Variants in ASTN2 observed in about 807,000 individuals in gnomAD.
ASTN2 encodes astrotactin 2.
Under a neutral mutation model 139.8 loss-of-function variants are expected in ASTN2, and 54 were observed. The observed-to-expected ratio is 0.39, with a 90% CI of 0.31 to 0.48. The LOEUF (loss-of-function observed/expected upper bound fraction) is 0.48, where lower values mean the gene tolerates loss of function less well. Among genes scored for constraint, ASTN2 ranks in the 20% least tolerant of loss-of-function variants. ASTN2 has a pLI of 0.95. For synonymous variants in ASTN2, 756 were observed against 719.5 expected (o/e 1.05, Z -0.81); for missense variants, 1,565 against 1,725.1 (o/e 0.91, Z 1.64).
intron 3 of ASTN2, among the ~76,000 whole-genome samples, chr9:117,206,277 C>T (rs1265837685): frequency 6.6e-6 from 1 of 152,116 alleles, no homozygotes; most frequent in African/African-American, 2.4e-5. Context: ...ATTAGATTTG[C>T]CTAGAGTCAG....
intron 10 of ASTN2, among the ~76,000 whole-genome samples, chr9:116,901,950 G>A (rs528122096): frequency 1.3e-5 from 2 of 152,252 alleles, no homozygotes; most frequent in East Asian, 1.9e-4. Context: ...ACTTGAACCC[G>A]GGAGGCAGAG....
intron 10 of ASTN2, among the ~76,000 whole-genome samples, chr9:116,907,295 C>T (rs1834188169): frequency 6.6e-6 from 1 of 152,246 alleles, no homozygotes; most frequent in Non-Finnish European, 1.5e-5. Context: ...ATTTCTCTCA[C>T]TGCAGCTTAG....
chr9:116,801,114 C>A (rs1176071499), intron 13 of ASTN2, among the ~76,000 whole-genome samples: 1 of 152,074 alleles, frequency 6.6e-6, no homozygotes, highest in Non-Finnish European at 1.5e-5. Context: ...TACTTGCTGG[C>A]TACTCTCTAG....
Position 117,249,546 on chromosome 9 carries a change from T to A in ASTN2, c.631-34804A>T, listed in dbSNP as rs541535482. Among the ~76,000 whole-genome samples the A allele has an allele frequency of 2.6e-5, 4 of 152,224 alleles. No homozygotes were observed. The East Asian group carries it at 5.8e-4, about 22-fold the overall frequency. On this transcript the variant is annotated intron_variant, in intron 2 of 22. Transcript: ENST00000313400. ...ACACTCAAAGGCCAACATATAAAAT[T>A]TATAAAAGGAAAGTTCCTCTAAGCA...
At chr9:117,341,758 A>C (rs975613206) in intron 1 of ASTN2, among the ~76,000 whole-genome samples, 4 of 152,328 alleles carry the variant, frequency 2.6e-5, no homozygotes, top group East Asian at 1.9e-4. Flanking sequence ...TATTGTGACA[A>C]AGTGAGAGGT....
rs759480017 is a variant in ASTN2, at chr9:116,651,626, G to A, written c.2974C>T (p.Arg992Trp). ...GGGCTCAGCTGCTCCTTGCCTGGCC[G>A]GCGGCAAAGGTGACAGGTAGATGGA... is the stretch of plus-strand genomic sequence containing the variant. The part of the protein sequence containing the change: ...RCPSTCHLCR[R>W]PGKEQLSPTP... Residue 992 changes from arginine to tryptophan, a missense_variant, in exon 17 of 23, where the codon CGG becomes TGG. Transcript: ENST00000313400. 6.4e-5 allele frequency: 103 copies of A among 1,613,994 alleles called. No homozygotes were observed. Among genetic ancestry groups the A allele is most frequent in the Non-Finnish European group, 8.2e-5 (97 of 1,180,022 alleles).
intron 20 of ASTN2, among the ~76,000 whole-genome samples, chr9:116,458,003 A>G (rs1446410209): frequency 6.6e-6 from 1 of 152,084 alleles, no homozygotes; most frequent in African/African-American, 2.4e-5. Context: ...TACACAATGG[A>G]GTAGTATTCA....
At chr9:116,863,503 T>C (rs1832945367) in intron 11 of ASTN2, 80 bp downstream of exon 11, 1 of 1,543,570 alleles carries the variant, frequency 6.5e-7, no homozygotes, top group African/African-American at 1.4e-5. Context: ...CTTACCAGCG[T>C]TCCCTCGCAG....
At chr9:117,236,575 C>T (rs117057254) in intron 2 of ASTN2, among the ~76,000 whole-genome samples, 2,647 of 152,200 alleles carry the variant, frequency 0.017, 41 homozygotes, top group South Asian at 0.029. Flanking sequence ...ATGAGGGTAG[C>T]GGTGTTTCTG....
intron 1 of ASTN2, among the ~76,000 whole-genome samples, chr9:117,349,785 TCAGA>T (rs1829332924): frequency 6.6e-6 from 1 of 152,138 alleles, no homozygotes; most frequent in African/African-American, 2.4e-5. Flanking sequence ...CAGGATGATA[TCAGA>T]GACTCCCTGA....
chr9:117,196,753 A>AG (rs1831516788), intron 3 of ASTN2, among the ~76,000 whole-genome samples: 1 of 152,220 alleles, frequency 6.6e-6, no homozygotes, highest in African/African-American at 2.4e-5. Flanking sequence ...ATGTTAACTG[A>AG]GGGAAAAAAA....
rs41266677 is a variant in ASTN2, at chr9:116,700,781, C to T, written c.2806+24990G>A. 2.9e-3 allele frequency: 489 copies of T among 166,988 alleles called. 2 individuals are homozygous for T. Among genetic ancestry groups the T allele is most frequent in the Non-Finnish European group, 5.3e-3 (363 of 68,106 alleles). The allele number at this position is 166,988 out of a possible 1,614,324, so 10.3% of individuals were successfully genotyped here. ...GGTGTTCATGTCTTTTAATTAAATA[C>T]GGAATTTTGGAGATGATAAGAGGGA... On this transcript the variant is annotated intron_variant, in intron 16 of 22. Coordinates refer to ENST00000313400, the MANE Select transcript of ASTN2 (RefSeq NM_001365068.1).
At chr9:117,170,487 T>C (rs541538727) in intron 3 of ASTN2, among the ~76,000 whole-genome samples, 27 of 152,264 alleles carry the variant, frequency 1.8e-4, no homozygotes, top group African/African-American at 6.5e-4. Flanking sequence ...TGCTTTCTAA[T>C]GGGGCAGAGA....
intron 16 of ASTN2, among the ~76,000 whole-genome samples, chr9:116,712,031 A>G (rs1438423101): frequency 6.6e-6 from 1 of 152,204 alleles, no homozygotes; most frequent in Non-Finnish European, 1.5e-5. Flanking sequence ...CTCCTAGCAA[A>G]GGTACAACTT....
chr9:117,288,313 T>C lies in ASTN2; in HGVS notation c.630+3013A>G, dbSNP rs571826429. Among the ~76,000 whole-genome samples the C allele has an allele frequency of 1.6e-3, 249 of 152,302 alleles. 1 individual carries two copies. The highest frequency in any genetic ancestry group is 5.8e-3 in the African/African-American group (239 of 41,562). ...GCTCCACCCCAGGAGGCATGGATGG[T>C]AGCAGGTTCCAGTGGCTGAATGGGA... is the stretch of plus-strand genomic sequence containing the variant. On this transcript the variant is annotated intron_variant, in intron 2 of 22. Transcript: ENST00000313400.
intron 13 of ASTN2, among the ~76,000 whole-genome samples, chr9:116,776,766 A>G (rs1830096611): frequency 6.6e-6 from 1 of 152,182 alleles, no homozygotes; most frequent in Admixed American, 6.5e-5. Context: ...GAAGCTAATG[A>G]GTAAGTAATC....
intron 19 of ASTN2, among the ~76,000 whole-genome samples, chr9:116,523,306 G>T (rs994739840): frequency 1.3e-5 from 2 of 151,974 alleles, no homozygotes; most frequent in African/African-American, 4.8e-5. Flanking sequence ...ACTCGAACTT[G>T]CTCTGGAGAT....
chr9:116,620,995 T>C (rs955216042), intron 17 of ASTN2, among the ~76,000 whole-genome samples: 2 of 152,186 alleles, frequency 1.3e-5, no homozygotes, highest in Admixed American at 1.3e-4. Context: ...TCTAAATGCC[T>C]TGTTCTCACC....
intron 19 of ASTN2, among the ~76,000 whole-genome samples, chr9:116,554,020 A>C (rs997626014): frequency 6.6e-6 from 1 of 152,208 alleles, no homozygotes; most frequent in Non-Finnish European, 1.5e-5. Flanking sequence ...CCCACAGTCA[A>C]AGTTCAACAT....
Sources: allele counts gnomAD v4.1 joint callset (sites outside exome capture counted in the v4.1 genomes callset), GRCh38; gene constraint gnomAD v4.1.1; transcripts MANE v1.5; gene names NCBI Gene and HGNC (gene_info 2026-07-23, HGNC 2026-07-21).